UCKL1: variants seen among roughly 807,000 people sequenced by gnomAD.
UCKL1 encodes the protein uridine-cytidine kinase-like 1.
UCKL1 carries 65 observed loss-of-function variants against 59.2 expected under a neutral mutation model. That is an observed-to-expected ratio of 1.10 (90% CI 0.90 to 1.35). The LOEUF (loss-of-function observed/expected upper bound fraction) is 1.35, where lower values mean the gene tolerates loss of function less well. Among genes scored for constraint, UCKL1 ranks in the 40% most tolerant of loss-of-function variants. The probability of loss-of-function intolerance (pLI) is 0.00; values close to 1 mark genes in which losing one functional copy is unlikely to be tolerated. For missense variants in UCKL1, 703 were observed against 784.3 expected (o/e 0.90, Z 1.24); for synonymous variants, 410 against 323.1 (o/e 1.27, Z -2.88).
At chr20:63,950,910 G>C in intron 1 of UCKL1, 1 of 1,409,372 alleles carries the variant, frequency 7.1e-7, no homozygotes, top group Non-Finnish European at 9.2e-7. Context: ...GGCAGCCGTG[G>C]GGGACATCAC....
chr20:63,951,479 G>A (rs1049740431), intron 1 of UCKL1, among the ~76,000 whole-genome samples: 3 of 152,144 alleles, frequency 2.0e-5, no homozygotes, highest in Admixed American at 6.5e-5. Context: ...TGTCCTGAAC[G>A]TCAGTGCTGA....
Position 63,946,607 on chromosome 20 carries a change from A to G in UCKL1, c.150T>C (p.Pro50=), listed in dbSNP as rs770575643. The G allele has an allele frequency of 6.2e-7, 1 of 1,610,406 alleles. No individual in the cohort carries two copies. Among genetic ancestry groups the G allele is most frequent in the South Asian group, 1.1e-5 (1 of 91,062 alleles). The change falls in exon 2 of 15, where the codon CCT becomes CCC. Residue 50 remains proline, a synonymous_variant. Coordinates refer to ENST00000354216, the MANE Select transcript of UCKL1 (RefSeq NM_017859.4). ...NAESLDRLLP[P]VGTGRSPRKR... ...TCCGGGGAGAGCGCCCAGTGCCCACAGGTGGCAGGAGCCTGTCCAGGGACT... is the reference window on the plus strand; with the variant it reads ...TCCGGGGAGAGCGCCCAGTGCCCACGGGTGGCAGGAGCCTGTCCAGGGACT...
intron 1 of UCKL1, chr20:63,954,870 C>T (rs2058312336): frequency 6.6e-6 from 1 of 152,286 alleles, no homozygotes; most frequent in Non-Finnish European, 1.5e-5. Flanking sequence ...TGGCTGCTGC[C>T]ACCAACCTGT....
intron 1 of UCKL1, among the ~76,000 whole-genome samples, chr20:63,948,964 A>G (rs1388923496): frequency 6.9e-6 from 1 of 145,718 alleles, no homozygotes; most frequent in Non-Finnish European, 1.5e-5. Context: ...CCGTGTGCAC[A>G]CACAGGGGGC....
chr20:63,940,074 G>C lies in UCKL1; in HGVS notation c.1568-19C>G, dbSNP rs1569007235. ...AAGTTCCCTGGAAAAAGGGGGGGGGGGGTCCAGTGTGGTGGGGCCTCCCAG... is the reference window on the plus strand; with the variant it reads ...AAGTTCCCTGGAAAAAGGGGGGGGGCGGTCCAGTGTGGTGGGGCCTCCCAG... On this transcript the variant is annotated intron_variant, in intron 14 of 14. Coordinates refer to ENST00000354216, the MANE Select transcript of UCKL1 (RefSeq NM_017859.4). 7.0e-6 allele frequency: 11 copies of C among 1,581,836 alleles called. No individual in the cohort carries two copies. Among genetic ancestry groups the C allele is most frequent in the East Asian group, 2.2e-5 (1 of 44,784 alleles).
chr20:63,941,516 G>A (rs2054403699), intron 8 of UCKL1: 3 of 412,696 alleles, frequency 7.3e-6, no homozygotes, highest in Admixed American at 8.2e-5. Flanking sequence ...GGAAGCAGAA[G>A]TGGGCCGGGC....
intron 8 of UCKL1, chr20:63,941,525 G>A: frequency 2.6e-6 from 1 of 390,478 alleles, no homozygotes. Context: ...AGTGGGCCGG[G>A]CACAGGGCGG....
intron 8 of UCKL1, among the ~76,000 whole-genome samples, chr20:63,943,117 C>T (rs2055103605): frequency 6.6e-6 from 1 of 152,250 alleles, no homozygotes; most frequent in Non-Finnish European, 1.5e-5. Context: ...CCAGCCCAAG[C>T]TTCTTGCTGC....
At position 63,946,049 on chromosome 20, in the gene UCKL1, G is replaced by A. The variant is rs1222782403; in HGVS notation, c.412-74C>T. ...CCAATGCCAGCGGACAGGGGCTCTA[G>A]GCCTCCCAGGAGCAGCCACGCTGGG... On this transcript the variant is annotated intron_variant, in intron 3 of 14. Coordinates refer to ENST00000354216, the MANE Select transcript of UCKL1 (RefSeq NM_017859.4). 1.1e-5 allele frequency: 18 copies of A among 1,609,988 alleles called. No homozygotes were observed. In the Admixed American group the frequency reaches 3.0e-4, roughly 27 times the overall value.
chr20:63,946,600 T>G lies in UCKL1; in HGVS notation c.157A>C (p.Thr53Pro). The stretch of plus-strand genomic sequence containing the variant: ...GTCCGCTTCCGGGGAGAGCGCCCAG[T>G]GCCCACAGGTGGCAGGAGCCTGTCC... ...SLDRLLPPVG[T>P]GRSPRKRTTS... is the part of the protein sequence containing the mutation. Residue 53 changes from threonine to proline, a missense_variant, in exon 2 of 15, where the codon ACT (threonine) becomes CCT (proline). This residue lies in a region of UCKL1 where 398 missense variants were observed against 373.0 expected (regional missense o/e 1.07). Transcript: ENST00000354216. 6.2e-7 allele frequency: 1 copy of G among 1,610,906 alleles called. No homozygotes were observed. The highest frequency in any genetic ancestry group is 8.5e-7 in the Non-Finnish European group (1 of 1,179,852).
chr20:63,948,852 T>C (rs1012872716), intron 1 of UCKL1, among the ~76,000 whole-genome samples: 1 of 151,868 alleles, frequency 6.6e-6, no homozygotes, highest in East Asian at 1.9e-4. Context: ...AACCAAACCG[T>C]AGTCTGTCTT....
rs778092541 is a variant in UCKL1, at chr20:63,940,196, C to G, written c.1521G>C (p.Ala507=). 1 of 1,612,780 alleles carries G rather than the reference C, an allele frequency of 6.2e-7. No homozygotes were observed. The highest frequency in any genetic ancestry group is 1.1e-5 in the South Asian group (1 of 91,084). The change falls in exon 14 of 15, where the codon GCG becomes GCC. Residue 507 remains alanine (A), a synonymous_variant. Coordinates refer to ENST00000354216, the MANE Select transcript of UCKL1 (RefSeq NM_017859.4). ...AFPRVRIITT[A]VDKRVNDLFR... ...AAAGGTCATTGACCCGCTTGTCCAC[C>G]GCCGTGGTGATGATTCTCACTCGCG...
chr20:63,940,586 C>G lies in UCKL1; in HGVS notation c.1302+8G>C. The stretch of plus-strand genomic sequence containing the variant: ...CCCGGGCTCATCACCCCGGCTGCCC[C>G]CAGGCACCTCGGGCTCCCCGGTAAG... On this transcript the variant is annotated splice_region_variant and intron_variant, in intron 12 of 14. Transcript: ENST00000354216. 1 of 1,607,290 alleles carries G rather than the reference C, an allele frequency of 6.2e-7. No individual in the cohort carries two copies. The highest frequency in any genetic ancestry group is 8.5e-7 in the Non-Finnish European group (1 of 1,179,560).
intron 5 of UCKL1, 118 bp from the exon 6 acceptor site, chr20:63,944,852 A>C: frequency 7.7e-7 from 1 of 1,293,998 alleles, no homozygotes; most frequent in Non-Finnish European, 1.1e-6. Context: ...CCACTTCCCC[A>C]GGGCACCCTG....
At chr20:63,944,165 G>A (rs1311135195) in intron 7 of UCKL1, among the ~76,000 whole-genome samples, 1 of 152,188 alleles carries the variant, frequency 6.6e-6, no homozygotes, top group Non-Finnish European at 1.5e-5. Flanking sequence ...CTGAGCACCT[G>A]TACCCCCACC....
intron 1 of UCKL1, among the ~76,000 whole-genome samples, chr20:63,948,962 A>G (rs73916675): frequency 0.036 from 5,195 of 145,718 alleles, 269 homozygotes; most frequent in African/African-American, 0.12. Flanking sequence ...GTCCGTGTGC[A>G]CACACAGGGG....
intron 1 of UCKL1, 89 bp from the exon 2 acceptor site, chr20:63,946,732 C>A: frequency 2.1e-6 from 3 of 1,397,974 alleles, no homozygotes; most frequent in Non-Finnish European, 2.9e-6. Flanking sequence ...GCACCCCCCC[C>A]ACCCCCTCAA....
At chr20:63,947,189 C>T (rs561730354) in intron 1 of UCKL1, among the ~76,000 whole-genome samples, 1 of 152,152 alleles carries the variant, frequency 6.6e-6, no homozygotes, top group Non-Finnish European at 1.5e-5. Flanking sequence ...ACAGCAAGGA[C>T]AGAGGAACAG....
intron 6 of UCKL1, 35 bp downstream of exon 6, chr20:63,944,510 C>T (rs766818306): frequency 2.5e-5 from 40 of 1,591,694 alleles, no homozygotes; most frequent in African/African-American, 2.3e-4. Context: ...TTGGCCTGCC[C>T]GACACCCACC....
Sources: allele counts gnomAD v4.1 joint callset (sites outside exome capture counted in the v4.1 genomes callset), GRCh38; gene constraint gnomAD v4.1.1; regional missense constraint gnomAD v4.1.1; transcripts MANE v1.5; gene names NCBI Gene and HGNC (gene_info 2026-07-23, HGNC 2026-07-21).